Variants in CARD10 observed in about 807,000 individuals in gnomAD.
The protein encoded by CARD10 is caspase recruitment domain family member 10.
Under a neutral mutation model 114.6 loss-of-function variants are expected in CARD10, and 49 were observed. The observed-to-expected ratio is 0.43, with a 90% CI of 0.34 to 0.54. The LOEUF (loss-of-function observed/expected upper bound fraction) is 0.54. CARD10 is among the 20% of genes least tolerant of loss of function. The pLI is 0.03. For missense variants in CARD10, 1,206 were observed against 1,397.2 expected, an observed-to-expected ratio of 0.86 and a Z score of 2.18; for synonymous variants, 602 against 593.2, an observed-to-expected ratio of 1.01 and a Z score of -0.21.
At chr22:37,504,598 G>C (rs1386629971) in intron 8 of CARD10, 37 bp downstream of exon 8, 2 of 1,455,680 alleles carry the variant, frequency 1.4e-6, no homozygotes, top group Non-Finnish European at 1.8e-6. Flanking sequence ...TGCTATAGCA[G>C]TGTCCCCCCT....
At chr22:37,511,643 G>C (rs998538488) in intron 3 of CARD10, among the ~76,000 whole-genome samples, 3 of 101,740 alleles carry the variant, frequency 2.9e-5, no homozygotes, top group African/African-American at 7.2e-5. Flanking sequence ...TCATCTGTAC[G>C]GGGGGGGTGT....
rs897562431 is a variant in CARD10, at chr22:37,498,921, A to G, written c.1788-1743T>C. On this transcript the variant is annotated intron_variant, in intron 11 of 19. Coordinates refer to ENST00000251973, the MANE Select transcript of CARD10 (RefSeq NM_014550.4). Reference sequence around the variant, plus strand: ...GCTGGGGGGTGGGGGGGGGGGGCACATGAATAAAAGATAATGCAGGGAGAG... The same window carrying G: ...GCTGGGGGGTGGGGGGGGGGGGCACGTGAATAAAAGATAATGCAGGGAGAG... Among the ~76,000 whole-genome samples the G allele has an allele frequency of 2.5e-4, 36 of 145,964 alleles. 1 individual carries two copies. The highest frequency in any genetic ancestry group is 9.2e-4 in the African/African-American group (36 of 39,038).
chr22:37,506,036 T>G (rs1460760245), intron 7 of CARD10, among the ~76,000 whole-genome samples, 156 bp downstream of exon 7: 1 of 152,062 alleles, frequency 6.6e-6, no homozygotes, highest in Non-Finnish European at 1.5e-5. Flanking sequence ...TGGGTTCAAG[T>G]TCCCGCCCCT....
intron 5 of CARD10, 22 bp downstream of exon 5, chr22:37,508,505 C>T: frequency 6.4e-7 from 1 of 1,571,450 alleles, no homozygotes; most frequent in Non-Finnish European, 8.6e-7. Context: ...GCACAAGGGG[C>T]AGGGCACGGG....
rs1026591568 is a variant in CARD10, at chr22:37,492,967, T to G, written c.2477-165A>C. On this transcript the variant is annotated intron_variant, in intron 16 of 19. Transcript: ENST00000251973. The surrounding 1 kb of genome is among the most constrained non-coding windows in gnomAD (Gnocchi z 5.7). The stretch of plus-strand genomic sequence containing the variant: ...CCCTTAGTAGGACCGACGGTGGCAG[T>G]AGGCTCCTCCCTGATTCTCTGCCTC... Among the ~76,000 whole-genome samples the G allele has an allele frequency of 6.6e-6, 1 of 152,032 alleles. No individual in the cohort carries two copies. The highest frequency in any genetic ancestry group is 1.5e-5 in the Non-Finnish European group (1 of 67,980).
Position 37,508,624 on chromosome 22 carries a change from T to G in CARD10, c.968A>C (p.His323Pro). The G allele has an allele frequency of 6.3e-7, 1 of 1,591,458 alleles. No individual in the cohort carries two copies. The highest frequency in any genetic ancestry group is 8.5e-7 in the Non-Finnish European group (1 of 1,172,528). Residue 323 changes from histidine (H) to proline (P), a missense_variant, in exon 5 of 20, where the codon CAT becomes CCT. Coordinates refer to ENST00000251973, the MANE Select transcript of CARD10 (RefSeq NM_014550.4). The part of the protein sequence containing the change: ...SERILLDILE[H>P]DWREAQDSRQ... ...GCTGTCCTGCGCCTCCCGCCAGTCA[T>G]GCTCTAGGATGTCCAGCAGGATGCG...
chr22:37,499,054 A>G (rs1923116914), intron 11 of CARD10, among the ~76,000 whole-genome samples: 1 of 152,122 alleles, frequency 6.6e-6, no homozygotes, highest in South Asian at 2.1e-4. Context: ...TATGGAATAG[A>G]AAGTACAATG....
chr22:37,508,747 A>T lies in CARD10; in HGVS notation c.910-65T>A, dbSNP rs1292614874. 3.4e-6 allele frequency: 5 copies of T among 1,473,138 alleles called. No homozygotes were observed. The African/African-American group carries it at 7.0e-5, about 21-fold the overall frequency. The allele number at this position is 1,473,138 out of a possible 1,614,324, so 91.3% of individuals were successfully genotyped here. Reference sequence around the variant, plus strand: ...GGGGCCCACCCTGGGTGTGGGAAGGAAGGGGACACGCAGCTCTCAGCCCTC... The same window carrying T: ...GGGGCCCACCCTGGGTGTGGGAAGGTAGGGGACACGCAGCTCTCAGCCCTC... On this transcript the variant is annotated intron_variant, in intron 4 of 19. Transcript: ENST00000251973.
In CARD10 at chr22:37,502,628, C is replaced by T. The variant is rs777575209; in HGVS notation, c.1761G>A (p.Arg587=). The T allele has an allele frequency of 6.2e-7, 1 of 1,613,932 alleles. No individual in the cohort carries two copies. Residue 587 remains arginine (R), a synonymous_variant, in exon 11 of 20, where the codon CGG becomes CGA. Transcript: ENST00000251973. ...PLGKPEGLLA[R]GCGLDFLNRS... Reference sequence around the variant, plus strand: ...TGTTGAGGAAGTCCAGGCCACAGCCCCGAGCCAGGAGGCCTTCCGGCTTTC... The same window carrying T: ...TGTTGAGGAAGTCCAGGCCACAGCCTCGAGCCAGGAGGCCTTCCGGCTTTC...
intron 15 of CARD10, 50 bp from the exon 16 acceptor site, chr22:37,494,238 C>G (rs1202933196): frequency 7.5e-7 from 1 of 1,325,558 alleles, no homozygotes; most frequent in Admixed American, 2.1e-5. Context: ...GCCCCGCCCC[C>G]TCAGGGAGAG....
At chr22:37,503,913 T>A (rs760381546) in intron 9 of CARD10, 1 of 613,130 alleles carries the variant, frequency 1.6e-6, no homozygotes, top group Non-Finnish European at 3.1e-6. Context: ...TCCTTGGGTA[T>A]AGGATCTTCA....
intron 10 of CARD10, 39 bp downstream of exon 10, chr22:37,503,146 A>C: frequency 6.2e-7 from 1 of 1,605,676 alleles, no homozygotes. Flanking sequence ...ACCTCCCCCG[A>C]CCAGAGGAGC....
Position 37,490,669 on chromosome 22 carries a change from C to T in CARD10, c.*490G>A, listed in dbSNP as rs928657697. 1 of 156,216 alleles carries T rather than the reference C, an allele frequency of 6.4e-6. No individual in the cohort carries two copies. Among genetic ancestry groups the T allele is most frequent in the African/African-American group, 2.4e-5 (1 of 41,534 alleles). The allele number at this position is 156,216 out of a possible 1,614,324, so 9.7% of individuals were successfully genotyped here. A position where few individuals can be genotyped will look rare whatever the true frequency, so the allele number is the denominator to read the frequency against. ...CCATGGGCCAGGGAACACCCCAGTC[C>T]ATGCATGGCTGAATCCACGAGGAGC... is the stretch of plus-strand genomic sequence containing the variant. On this transcript the variant is annotated 3_prime_UTR_variant, in exon 20 of 20. Coordinates refer to ENST00000251973, the MANE Select transcript of CARD10 (RefSeq NM_014550.4).
intron 8 of CARD10, 63 bp downstream of exon 8, chr22:37,504,572 T>TC: frequency 2.7e-6 from 4 of 1,457,992 alleles, no homozygotes; most frequent in Non-Finnish European, 3.6e-6. Flanking sequence ...GAAAGCACTC[T>TC]CCACATTAGT....
In CARD10 at chr22:37,491,210, C is replaced by T; in HGVS notation, c.3048G>A (p.Val1016=). ...CTCTGCTGCTGCCGCACTCCACCCA[C>T]ACGAGGCGGGCCTGCTCCTGCAGGA... The part of the protein sequence containing the change: ...GRILQEQARL[V]WVECGSSRGC... The change falls in exon 20 of 20, where the codon GTG becomes GTA. Residue 1016 remains valine, a synonymous_variant. Coordinates refer to ENST00000251973, the MANE Select transcript of CARD10 (RefSeq NM_014550.4). The T allele has an allele frequency of 6.3e-7, 1 of 1,576,656 alleles. No individual in the cohort carries two copies. The highest frequency in any genetic ancestry group is 8.6e-7 in the Non-Finnish European group (1 of 1,164,048).
chr22:37,512,465 CCACACA>C (rs36080549), intron 3 of CARD10, among the ~76,000 whole-genome samples: 9,643 of 113,756 alleles, frequency 0.085, 641 homozygotes, highest in African/African-American at 0.1. Context: ...AGCCCCCCCT[CCACACA>C]CACACACACA....
chr22:37,510,556 G>A (rs568784905), intron 3 of CARD10, 135 bp from the exon 4 acceptor site: 74 of 698,952 alleles, frequency 1.1e-4, no homozygotes, highest in Middle Eastern at 8.2e-4. Flanking sequence ...GTCCTCCCCA[G>A]GCTTGTCTAT....
Position 37,496,535 on chromosome 22 carries a change from T to A in CARD10, c.1973A>T (p.Glu658Val). 1.9e-6 allele frequency: 3 copies of A among 1,613,380 alleles called. No individual in the cohort carries two copies. The highest frequency in any genetic ancestry group is 2.5e-6 in the Non-Finnish European group (3 of 1,179,808). ...GGCCTCGGCTTCCAGGCACGCCCCCTCCAGACCAGCAGCTTCCACCCTTTG... is the reference window on the plus strand; with the variant it reads ...GGCCTCGGCTTCCAGGCACGCCCCCACCAGACCAGCAGCTTCCACCCTTTG... ...REQRVEAAGL[E>V]GACLEAEAQQ... The change falls in exon 13 of 20, where the codon GAG becomes GTG. Residue 658 changes from glutamate to valine, a missense_variant. Glu to Val is a moderately radical substitution (Grantham distance 121, BLOSUM62 -2). This residue lies in a region of CARD10 where 1,068 missense variants were observed against 1,179.1 expected (regional missense o/e 0.91). Transcript: ENST00000251973. This position sits in a 1 kb window ranked among gnomAD's most constrained non-coding sequence, Gnocchi z 4.1.
Position 37,511,706 on chromosome 22 carries a change from G to A in CARD10, c.700-1285C>T, listed in dbSNP as rs55636032. Among the ~76,000 whole-genome samples the A allele has an allele frequency of 7.3e-3, 1,105 of 151,966 alleles. 14 individuals are homozygous for A. Among genetic ancestry groups the A allele is most frequent in the African/African-American group, 0.025 (1,055 of 41,394 alleles). Reference sequence around the variant, plus strand: ...GAGAGTTGAGGGACTCATCCAGTCCGGGAACCAGATGCTCCCCGCAACAAG... The same window carrying A: ...GAGAGTTGAGGGACTCATCCAGTCCAGGAACCAGATGCTCCCCGCAACAAG... On this transcript the variant is annotated intron_variant, in intron 3 of 19. Coordinates refer to ENST00000251973, the MANE Select transcript of CARD10 (RefSeq NM_014550.4).
Sources: gnomAD v4.1 joint callset for allele counts (sites outside exome capture counted in the v4.1 genomes callset) on GRCh38, gnomAD v4.1.1 for gene constraint, gnomAD v4.1.1 regional missense constraint, Gnocchi (gnomAD v3.1) non-coding constraint, MANE v1.5 for transcripts, NCBI Gene and HGNC (gene_info 2026-07-23, HGNC 2026-07-21) for gene names.